SATL1: variants seen among roughly 807,000 people sequenced by gnomAD.
The protein encoded by SATL1 is spermidine/spermine N1-acetyl transferase like 1.
In SATL1, 47 loss-of-function variants were observed where a neutral mutation model predicts 51.8. The observed-to-expected ratio is 0.91, with a 90% CI of 0.72 to 1.16. The LOEUF (loss-of-function observed/expected upper bound fraction) is 1.16. Among genes scored for constraint, SATL1 ranks in the 50% most tolerant of loss-of-function variants. The probability of loss-of-function intolerance (pLI) is 0.00; values close to 1 mark genes in which losing one functional copy is unlikely to be tolerated. For synonymous variants in SATL1, 176 were observed against 182.4 expected (o/e 0.97, Z 0.28); for missense variants, 520 against 526.4 (o/e 0.99, Z 0.12).
intron 2 of SATL1, among the ~76,000 whole-genome samples, chrX:85,149,557 G>T (rs748368448): frequency 9.0e-6 from 1 of 111,081 alleles, no homozygotes; most frequent in East Asian, 2.8e-4. Flanking sequence ...TGACCACATA[G>T]TTGGAAGTAA....
In SATL1 at chrX:85,225,578, G is replaced by A. The variant is rs143189550; in HGVS notation, c.-434-1252C>T. ...ATGGAAGAGATACTTAAGCTAAGTC[G>A]TGAAGAATGAGTAGAAGCATTCTGG... On this transcript the variant is annotated intron_variant, in intron 1 of 7. Coordinates refer to ENST00000644105, the MANE Select transcript of SATL1 (RefSeq NM_001367857.2). Among the ~76,000 whole-genome samples the A allele has an allele frequency of 1.2e-3, 138 of 112,058 alleles. 1 individual carries two copies. The East Asian group carries it at 0.023, about 19-fold the overall frequency.
intron 2 of SATL1, among the ~76,000 whole-genome samples, chrX:85,148,109 C>G (rs1353209435): frequency 3.6e-5 from 4 of 110,897 alleles, no homozygotes; most frequent in African/African-American, 9.8e-5. Flanking sequence ...CTAGAATAAC[C>G]AATACAGAGA....
intron 2 of SATL1, among the ~76,000 whole-genome samples, chrX:85,135,686 C>T (rs1035330226): frequency 5.6e-5 from 6 of 107,290 alleles, no homozygotes; most frequent in Middle Eastern, 4.7e-3. Context: ...ATCCTCCCCC[C>T]TCAACCCCCG....
intron 2 of SATL1, among the ~76,000 whole-genome samples, chrX:85,125,651 C>T (rs1412439559): frequency 9.2e-6 from 1 of 108,700 alleles, no homozygotes; most frequent in African/African-American, 3.4e-5. Context: ...TATCTCAAGT[C>T]AATCTATGAT....
chrX:85,167,622 T>A (rs946799820), intron 2 of SATL1, among the ~76,000 whole-genome samples: 4 of 109,105 alleles, frequency 3.7e-5, no homozygotes, highest in South Asian at 8.0e-4. Flanking sequence ...CAATAACGAG[T>A]TCTGAAATTG....
chrX:85,234,160 GA>G (rs1268526742), intron 1 of SATL1, among the ~76,000 whole-genome samples: 7 of 106,530 alleles, frequency 6.6e-5, no homozygotes, highest in East Asian at 2.9e-4. Context: ...AGTGCTGAAG[GA>G]AAAAAAAAAC....
At chrX:85,219,862 C>T (rs1481217984) in intron 2 of SATL1, among the ~76,000 whole-genome samples, 1 of 109,665 alleles carries the variant, frequency 9.1e-6, no homozygotes, top group Non-Finnish European at 1.9e-5. Flanking sequence ...CTCCACCAAT[C>T]GCTGCACATT....
intron 2 of SATL1, among the ~76,000 whole-genome samples, chrX:85,154,180 C>T (rs1192703095): frequency 9.0e-6 from 1 of 111,344 alleles, no homozygotes; most frequent in Non-Finnish European, 1.9e-5. Flanking sequence ...AGATAACTGT[C>T]CTACTTCAGT....
chrX:85,225,179 G>C (rs981090296), intron 1 of SATL1, among the ~76,000 whole-genome samples: 2 of 111,917 alleles, frequency 1.8e-5, no homozygotes, highest in Admixed American at 9.5e-5. Flanking sequence ...TTGCAGTGAT[G>C]AAATTGTTCT....
intron 2 of SATL1, chrX:85,210,598 G>A (rs759807694): frequency 6.4e-5 from 7 of 110,169 alleles, no homozygotes; most frequent in Non-Finnish European, 1.3e-4. Flanking sequence ...TGCCTGATAA[G>A]AGAAAGAAGC....
rs186628845 is a variant in SATL1 at position 85,110,129 on chromosome X, A to G, written c.-312-849T>C. Among the ~76,000 whole-genome samples, 8 of 112,035 alleles carry G rather than the reference A, an allele frequency of 7.1e-5. No homozygotes were observed. The Admixed American group carries it at 7.6e-4, about 11-fold the overall frequency. On this transcript the variant is annotated intron_variant, in intron 2 of 7. Coordinates refer to ENST00000644105, the MANE Select transcript of SATL1 (RefSeq NM_001367857.2). Reference sequence around the variant, plus strand: ...AATCCACATCAACACTATTATCCCCAATTCTGAGAAAACTGACTCAAAAGA... The same window carrying G: ...AATCCACATCAACACTATTATCCCCGATTCTGAGAAAACTGACTCAAAAGA...
chrX:85,111,192 T>C (rs1399164110), intron 2 of SATL1, among the ~76,000 whole-genome samples: 3 of 113,122 alleles, frequency 2.7e-5, no homozygotes, highest in Admixed American at 1.9e-4. Context: ...TTCTGGTTGA[T>C]GTCTTTAATA....
intron 2 of SATL1, among the ~76,000 whole-genome samples, chrX:85,127,840 C>G (rs954640238): frequency 5.4e-5 from 6 of 110,667 alleles, no homozygotes; most frequent in Non-Finnish European, 1.1e-4. Context: ...GTTCCCTGCC[C>G]TATGTCCAAG....
At chrX:85,171,225 C>T (rs917799349) in intron 2 of SATL1, among the ~76,000 whole-genome samples, 4 of 111,069 alleles carry the variant, frequency 3.6e-5, no homozygotes, top group Non-Finnish European at 5.7e-5. Flanking sequence ...CTGCTTTAGG[C>T]GCCCTAGTGA....
chrX:85,214,795 C>G (rs1928006830), intron 2 of SATL1, among the ~76,000 whole-genome samples: 2 of 111,678 alleles, frequency 1.8e-5, no homozygotes, highest in Admixed American at 1.9e-4. Flanking sequence ...AATTCCAAAA[C>G]CCAGCAGAGC....
intron 2 of SATL1, among the ~76,000 whole-genome samples, chrX:85,151,640 C>A (rs1312479406): frequency 2.7e-5 from 3 of 110,977 alleles, no homozygotes; most frequent in Non-Finnish European, 5.7e-5. Flanking sequence ...TGGAACAGAA[C>A]AGAGCCCTCA....
intron 2 of SATL1, among the ~76,000 whole-genome samples, chrX:85,112,475 A>C (rs1009370030): frequency 9.0e-6 from 1 of 111,587 alleles, no homozygotes; most frequent in East Asian, 2.8e-4. Flanking sequence ...ATGTTGACTT[A>C]CTTCCGGGGT....
chrX:85,177,426 T>C (rs1443411892), intron 2 of SATL1, among the ~76,000 whole-genome samples: 1 of 111,457 alleles, frequency 9.0e-6, no homozygotes, highest in African/African-American at 3.3e-5. Flanking sequence ...GTTGCGAACC[T>C]CTCAGGTCCC....
chrX:85,193,686 A>G (rs192170880), intron 2 of SATL1, among the ~76,000 whole-genome samples: 44 of 111,234 alleles, frequency 4.0e-4, no homozygotes, highest in African/African-American at 1.2e-3. Context: ...TCCACCCTTA[A>G]CTAGACTTCA....
Sources: allele counts gnomAD v4.1 joint callset (sites outside exome capture counted in the v4.1 genomes callset), GRCh38; gene constraint gnomAD v4.1.1; transcripts MANE v1.5; gene names NCBI Gene and HGNC (gene_info 2026-07-23, HGNC 2026-07-21).